Variants in ADGRL3 observed in about 807,000 individuals in gnomAD.
The protein encoded by ADGRL3 is adhesion G protein-coupled receptor L3.
In ADGRL3, 62 loss-of-function variants were observed where a neutral mutation model predicts 153.5. That is an observed-to-expected ratio of 0.40 (90% CI 0.33 to 0.50). The LOEUF is 0.50. ADGRL3 is among the 20% of genes least tolerant of loss of function. The probability of loss-of-function intolerance (pLI) is 0.47; values close to 1 mark genes in which losing one functional copy is unlikely to be tolerated. For synonymous variants in ADGRL3, 710 were observed against 672.5 expected (o/e 1.06, Z -0.86); for missense variants, 1,641 against 1,859.4 (o/e 0.88, Z 2.16).
chr4:62,007,624 T>A (rs987364658), intron 21 of ADGRL3, among the ~76,000 whole-genome samples: 3 of 151,150 alleles, frequency 2.0e-5, no homozygotes, highest in African/African-American at 7.3e-5. Flanking sequence ...TCACTGCCTG[T>A]CTTCCTTCTC....
At chr4:61,525,652 G>A (rs2098554659) in intron 4 of ADGRL3, among the ~76,000 whole-genome samples, 1 of 152,092 alleles carries the variant, frequency 6.6e-6, no homozygotes, top group South Asian at 2.1e-4. Flanking sequence ...TGTCTGAACT[G>A]GGGAGATAGC....
chr4:61,785,715 A>G (rs2097268582), intron 8 of ADGRL3, among the ~76,000 whole-genome samples: 1 of 152,212 alleles, frequency 6.6e-6, no homozygotes, highest in Non-Finnish European at 1.5e-5. Flanking sequence ...TTCTAACATT[A>G]TCAGAGATGT....
rs557714789 is a variant in ADGRL3 at position 61,881,529 on chromosome 4, C to A, written c.1481-11127C>A. ...AAGTAGGTGGGATTACAGGCGCATG[C>A]CACCATGCCCGGCTAGTTTTTGCGT... is the stretch of plus-strand genomic sequence containing the variant. On this transcript the variant is annotated intron_variant, in intron 9 of 26. Coordinates refer to ENST00000683033, the MANE Select transcript of ADGRL3 (RefSeq NM_001387552.1). Among the ~76,000 whole-genome samples the A allele has an allele frequency of 3.9e-5, 6 of 152,284 alleles. No individual in the cohort carries two copies. The East Asian group carries it at 7.8e-4, about 20-fold the overall frequency.
At chr4:62,023,523 A>G (rs1025950495) in intron 21 of ADGRL3, among the ~76,000 whole-genome samples, 4 of 152,142 alleles carry the variant, frequency 2.6e-5, no homozygotes, top group Admixed American at 2.0e-4. Flanking sequence ...CTACAGAGAA[A>G]TCTTTCAGGA....
rs143396564 is a variant in ADGRL3, at chr4:61,253,691, C to CCACACACACACACACA, written c.-240+51933_-240+51948dup. On this transcript the variant is annotated intron_variant, in intron 1 of 26. Transcript: ENST00000683033. Reference sequence around the variant, plus strand: ...CACAACTTTGTTTGTATGTTCAGTTCCACACACACACACACACACACATAT... The same window carrying CCACACACACACACACA: ...CACAACTTTGTTTGTATGTTCAGTTCCACACACACACACACACACACACACACACACACACACATAT... 8.4e-4 allele frequency among the ~76,000 whole-genome samples: 118 copies of CCACACACACACACACA among 140,490 alleles called. 1 individual carries two copies. The highest frequency in any genetic ancestry group is 2.5e-3 in the South Asian group (11 of 4,472). 92.2% of individuals were successfully genotyped at this position (140,490 alleles called of 152,430 possible).
rs548461400 is a variant in ADGRL3, at chr4:61,422,694, G to A, written c.-174+39505G>A. ...AAAGTTAGTAACACCCTGCTTGGGG[G>A]AATATCTGTTCTATGAATGAATAGT... On this transcript the variant is annotated intron_variant, in intron 2 of 26. Coordinates refer to ENST00000683033, the MANE Select transcript of ADGRL3 (RefSeq NM_001387552.1). Among the ~76,000 whole-genome samples, 330 of 152,006 alleles carry A rather than the reference G, an allele frequency of 2.2e-3. 2 individuals carry two copies. Among genetic ancestry groups the A allele is most frequent in the Non-Finnish European group, 2.9e-3 (198 of 67,956 alleles).
At chr4:61,318,741 T>C (rs1043267148) in intron 1 of ADGRL3, among the ~76,000 whole-genome samples, 11 of 152,144 alleles carry the variant, frequency 7.2e-5, no homozygotes, top group African/African-American at 2.7e-4. Flanking sequence ...CTGATTATAG[T>C]GCACACCACA....
intron 4 of ADGRL3, among the ~76,000 whole-genome samples, chr4:61,536,747 C>T (rs1045627683): frequency 2.0e-5 from 3 of 152,140 alleles, no homozygotes; most frequent in East Asian, 3.9e-4. Flanking sequence ...ATATCTGTCA[C>T]CACCCCTTTA....
chr4:61,287,131 G>T (rs897010194), intron 1 of ADGRL3, among the ~76,000 whole-genome samples: 1 of 151,510 alleles, frequency 6.6e-6, no homozygotes, highest in African/African-American at 2.4e-5. Flanking sequence ...TAGAAAATAC[G>T]TTTTACCACA....
At chr4:61,270,123 T>A (rs942539466) in intron 1 of ADGRL3, among the ~76,000 whole-genome samples, 3 of 151,688 alleles carry the variant, frequency 2.0e-5, no homozygotes, top group African/African-American at 7.2e-5. Context: ...AGAGGTATCA[T>A]AATACAATAC....
chr4:61,721,061 G>A (rs769840891), intron 6 of ADGRL3, among the ~76,000 whole-genome samples: 1 of 152,132 alleles, frequency 6.6e-6, no homozygotes, highest in Non-Finnish European at 1.5e-5. Context: ...AAATAAGTAG[G>A]ACTAAGAATA....
At chr4:61,217,767 G>C (rs950949918) in intron 1 of ADGRL3, among the ~76,000 whole-genome samples, 1 of 152,110 alleles carries the variant, frequency 6.6e-6, no homozygotes, top group African/African-American at 2.4e-5. Flanking sequence ...CAGAAGGTTG[G>C]TTCCTACTCA....
chr4:61,656,914 T>G (rs1231528879), intron 5 of ADGRL3, among the ~76,000 whole-genome samples: 1 of 152,204 alleles, frequency 6.6e-6, no homozygotes, highest in Non-Finnish European at 1.5e-5. Context: ...AAACTTCTGC[T>G]GCATTTCTAA....
chr4:61,846,688 A>G (rs1379495230), intron 9 of ADGRL3, among the ~76,000 whole-genome samples: 3 of 152,066 alleles, frequency 2.0e-5, no homozygotes, highest in African/African-American at 7.2e-5. Context: ...AAAGAGGTTT[A>G]ATTGGCTCAC....
At chr4:61,978,447 C>T (rs2099055708) in intron 17 of ADGRL3, among the ~76,000 whole-genome samples, 1 of 152,142 alleles carries the variant, frequency 6.6e-6, no homozygotes, top group Non-Finnish European at 1.5e-5. Flanking sequence ...TAACCTTTTA[C>T]CCATTCATTT....
At chr4:61,631,000 G>A (rs2093131444) in intron 5 of ADGRL3, among the ~76,000 whole-genome samples, 1 of 152,140 alleles carries the variant, frequency 6.6e-6, no homozygotes, top group Non-Finnish European at 1.5e-5. Context: ...TCGATAGCAG[G>A]CATGTCTTAG....
chr4:61,479,269 C>G (rs1560703296), intron 2 of ADGRL3, among the ~76,000 whole-genome samples: 1 of 151,874 alleles, frequency 6.6e-6, no homozygotes, highest in Non-Finnish European at 1.5e-5. Context: ...AGAAAATTTA[C>G]ATAATTTAAA....
intron 11 of ADGRL3, among the ~76,000 whole-genome samples, chr4:61,907,250 C>CTATTTATT (rs760850710): frequency 6.6e-6 from 1 of 151,746 alleles, no homozygotes; most frequent in Non-Finnish European, 1.5e-5. Context: ...TATATTTTTT[C>CTATTTATT]TATTTATTTA....
chr4:61,622,736 A>G (rs1407942873), intron 5 of ADGRL3, among the ~76,000 whole-genome samples: 2 of 152,110 alleles, frequency 1.3e-5, no homozygotes, highest in African/African-American at 2.4e-5. Flanking sequence ...TAAAACGAGG[A>G]AAATTGATCT....
Sources: allele counts gnomAD v4.1 joint callset (sites outside exome capture counted in the v4.1 genomes callset), GRCh38; gene constraint gnomAD v4.1.1; transcripts MANE v1.5; gene names NCBI Gene and HGNC (gene_info 2026-07-23, HGNC 2026-07-21).